DNAAF11: variants seen among roughly 807,000 people sequenced by gnomAD.
DNAAF11 encodes the protein leucine rich repeat containing 6.
DNAAF11 carries 45 observed loss-of-function variants against 60.8 expected under a neutral mutation model. The observed-to-expected ratio is 0.74, with a 90% CI of 0.58 to 0.95. The LOEUF is 0.95. Among genes scored for constraint, DNAAF11 ranks in the 40% least tolerant of loss-of-function variants. The probability of loss-of-function intolerance (pLI) is 0.00; values close to 1 mark genes in which losing one functional copy is unlikely to be tolerated. For missense variants in DNAAF11, 546 were observed against 546.2 expected, an observed-to-expected ratio of 1.00 and a Z score of 0.00; for synonymous variants, 191 against 183.5, an observed-to-expected ratio of 1.04 and a Z score of -0.33.
chr8:132,687,016 T>C, the DNAAF11 span, among the ~76,000 whole-genome samples: 2 of 152,158 alleles, frequency 1.3e-5, no homozygotes, highest in African/African-American at 4.8e-5. Context: ...CCATTTTCAC[T>C]TCCCCAGCAC....
chr8:132,682,430 T>C, the DNAAF11 span, among the ~76,000 whole-genome samples: 2 of 152,224 alleles, frequency 1.3e-5, no homozygotes, highest in African/African-American at 4.8e-5. Flanking sequence ...TATCCCTGAA[T>C]GACTGACCAC....
At chr8:132,681,446 C>G in the DNAAF11 span, among the ~76,000 whole-genome samples, 1 of 151,332 alleles carries the variant, frequency 6.6e-6, no homozygotes, top group African/African-American at 2.4e-5. Context: ...TGAAAAAGAT[C>G]TGAAAAAATC....
chr8:132,686,624 G>A, the DNAAF11 span, among the ~76,000 whole-genome samples: 31 of 152,218 alleles, frequency 2.0e-4, no homozygotes, highest in African/African-American at 7.0e-4. Flanking sequence ...CAGACACCCA[G>A]GTAGATCATG....
chr8:132,594,362 T>C (rs192375413), intron 10 of DNAAF11, among the ~76,000 whole-genome samples: 303 of 152,214 alleles, frequency 2.0e-3, no homozygotes, highest in Non-Finnish European at 2.6e-3. Flanking sequence ...AACCAAGTAA[T>C]ATGGCTGAGA....
intron 4 of DNAAF11, among the ~76,000 whole-genome samples, chr8:132,633,887 A>G (rs1821042438): frequency 6.6e-6 from 1 of 152,194 alleles, no homozygotes. Flanking sequence ...TCTCTCCTAG[A>G]GCCTGAAGAA....
In DNAAF11 at chr8:132,572,129, C is replaced by T; in HGVS notation, c.*177G>A. ...GATGAGTTATAGCATTTAAGACATA[C>T]ATTTTAATTTTAAGCTATCTTAAGG... On this transcript the variant is annotated 3_prime_UTR_variant, in exon 12 of 12. Transcript: ENST00000620350. 1 of 477,830 alleles carries T rather than the reference C, an allele frequency of 2.1e-6. No homozygotes were observed. Among genetic ancestry groups the T allele is most frequent in the Non-Finnish European group, 3.7e-6 (1 of 268,634 alleles). The allele number at this position is 477,830 out of a possible 1,614,324, so 29.6% of individuals were successfully genotyped here.
intron 4 of DNAAF11, among the ~76,000 whole-genome samples, chr8:132,634,622 G>T (rs998165190): frequency 1.3e-5 from 2 of 151,164 alleles, no homozygotes; most frequent in African/African-American, 4.8e-5. Context: ...TACTTATTTT[G>T]TAAGTATATA....
At chr8:132,690,506 A>G in the DNAAF11 span, among the ~76,000 whole-genome samples, 1 of 152,226 alleles carries the variant, frequency 6.6e-6, no homozygotes. Context: ...CTCAGGAAGT[A>G]TCTTTATAGC....
At chr8:132,655,604 C>T (rs1823473689) in intron 3 of DNAAF11, among the ~76,000 whole-genome samples, 1 of 152,088 alleles carries the variant, frequency 6.6e-6, no homozygotes, top group Non-Finnish European at 1.5e-5. Flanking sequence ...AGAACACTTG[C>T]AACTTAACAG....
chr8:132,660,479 T>C (rs1824025168), intron 2 of DNAAF11, among the ~76,000 whole-genome samples: 1 of 152,238 alleles, frequency 6.6e-6, no homozygotes, highest in Admixed American at 6.5e-5. Context: ...GGCAGTGTTC[T>C]GACCCAGGTT....
chr8:132,641,249 T>C (rs1821825633), intron 3 of DNAAF11, among the ~76,000 whole-genome samples: 3 of 152,188 alleles, frequency 2.0e-5, no homozygotes, highest in African/African-American at 7.2e-5. Flanking sequence ...AATGTTACAG[T>C]AGAGAAACCT....
chr8:132,675,838 A>G (rs79600483), upstream of DNAAF11, among the ~76,000 whole-genome samples: 1,837 of 152,298 alleles, frequency 0.012, 126 homozygotes, highest in East Asian at 0.17. Context: ...TGTGCCTTCC[A>G]GGCTTGCCTT....
chr8:132,613,035 C>T (rs560237270), intron 8 of DNAAF11, among the ~76,000 whole-genome samples: 3 of 152,290 alleles, frequency 2.0e-5, no homozygotes, highest in Admixed American at 6.5e-5. Context: ...AAGGATGAAA[C>T]AGTGATTTGT....
chr8:132,610,017 T>C (rs1818495451), intron 10 of DNAAF11, 149 bp downstream of exon 10: 3 of 586,274 alleles, frequency 5.1e-6, no homozygotes, highest in Non-Finnish European at 9.2e-6. Context: ...TCACAGACCG[T>C]TGTTCTCCTA....
the DNAAF11 span, among the ~76,000 whole-genome samples, chr8:132,686,867 C>T: frequency 5.5e-4 from 84 of 152,250 alleles, 1 homozygote; most frequent in East Asian, 0.015. Flanking sequence ...GTTTTTGATG[C>T]CTGCCTCTGT....
intron 7 of DNAAF11, 38 bp from the exon 8 acceptor site, chr8:132,615,135 T>C (rs972963097): frequency 2.4e-6 from 3 of 1,236,402 alleles, no homozygotes; most frequent in African/African-American, 1.5e-5. Flanking sequence ...AAGAGATGTC[T>C]TTAGGATACT....
the DNAAF11 span, among the ~76,000 whole-genome samples, chr8:132,680,639 G>A: frequency 1.3e-5 from 2 of 151,928 alleles, no homozygotes; most frequent in African/African-American, 2.4e-5. Context: ...TTACCAGCAC[G>A]ACTACAAGTC....
At chr8:132,675,819 T>TA (rs967014019), upstream of DNAAF11, among the ~76,000 whole-genome samples, 33 of 152,324 alleles carry the variant, frequency 2.2e-4, no homozygotes, top group Non-Finnish European at 3.2e-4. Flanking sequence ...TGAGGACGCT[T>TA]CTCTTTTCTG....
chr8:132,675,604 G>T, upstream of DNAAF11: 1 of 1,196,798 alleles, frequency 8.4e-7, no homozygotes, highest in Non-Finnish European at 1.1e-6. Flanking sequence ...AGGAGCCATG[G>T]CAACGGGGAC....
Sources: allele counts gnomAD v4.1 joint callset (sites outside exome capture counted in the v4.1 genomes callset), GRCh38; gene constraint gnomAD v4.1.1; transcripts MANE v1.5; gene names NCBI Gene and HGNC (gene_info 2026-07-23, HGNC 2026-07-21).